The following SUMF1 variants were observed in gnomAD, a reference collection of about 807,000 sequenced individuals.
The protein encoded by SUMF1 is formylglycine-generating enzyme.
SUMF1 carries 48 observed loss-of-function variants against 47.6 expected under a neutral mutation model. That is an observed-to-expected ratio of 1.01 (90% confidence interval 0.80 to 1.28). The LOEUF is 1.28. Among genes scored for constraint, SUMF1 ranks in the 50% most tolerant of loss-of-function variants. SUMF1 has a pLI of 0.00. For missense variants in SUMF1, 571 were observed against 485.4 expected (o/e 1.18, Z -1.66); for synonymous variants, 230 against 192.1 (o/e 1.20, Z -1.63).
chr3:4,161,406 C>A (rs1195657004), intron 8 of SUMF1, among the ~76,000 whole-genome samples: 5 of 152,122 alleles, frequency 3.3e-5, no homozygotes, highest in Non-Finnish European at 4.4e-5. Context: ...TCTCCCAGGC[C>A]CTCGGTGGGT....
At chr3:4,325,990 T>A (rs377761311) in intron 8 of SUMF1, among the ~76,000 whole-genome samples, 3 of 152,198 alleles carry the variant, frequency 2.0e-5, no homozygotes, top group Admixed American at 6.5e-5. Flanking sequence ...CCTGGCTGAT[T>A]TCTGTATTTT....
intron 9 of SUMF1, among the ~76,000 whole-genome samples, chr3:4,063,090 A>T (rs1332550163): frequency 6.6e-6 from 1 of 152,154 alleles, no homozygotes; most frequent in East Asian, 1.9e-4. Context: ...ACATCTTTAC[A>T]TATGCCAATG....
Position 4,174,743 on chromosome 3 carries a change from C to T in SUMF1, c.1015-105998G>A, listed in dbSNP as rs189048782. ...AAGCAGGATGGGGCATCACCTCACC[C>T]AGGAAGCACAAGGGGTCAGGAGATT... is the stretch of plus-strand genomic sequence containing the variant. On this transcript the variant is annotated intron_variant and NMD_transcript_variant, in intron 8 of 12. Transcript: ENST00000448413. 2.6e-4 allele frequency among the ~76,000 whole-genome samples: 40 copies of T among 152,272 alleles called. No individual in the cohort carries two copies. In the East Asian group the frequency reaches 5.2e-3, roughly 20 times the overall value.
rs573075676 is a variant in SUMF1, at chr3:4,209,165, TA to T, written c.1015-140421del. On this transcript the variant is annotated intron_variant and NMD_transcript_variant, in intron 8 of 12. Transcript: ENST00000448413. ...TTAATGATTCAATTCAATAAAATTT[TA>T]TTGGGTACCTATTATATACGTGCTG... 2.1e-4 allele frequency among the ~76,000 whole-genome samples: 32 copies of T among 152,322 alleles called. 1 individual carries two copies. The South Asian group carries it at 6.6e-3, about 32-fold the overall frequency.
chr3:4,175,656 C>T (rs1040749706), intron 8 of SUMF1, among the ~76,000 whole-genome samples: 1 of 152,084 alleles, frequency 6.6e-6, no homozygotes, highest in Non-Finnish European at 1.5e-5. Flanking sequence ...AGCTCCTTGC[C>T]AGCAGTGGAA....
At chr3:4,070,112 T>A (rs967999642) in intron 8 of SUMF1, among the ~76,000 whole-genome samples, 1 of 152,168 alleles carries the variant, frequency 6.6e-6, no homozygotes, top group African/African-American at 2.4e-5. Context: ...CTCAACGAAT[T>A]ATGACCCAGA....
chr3:4,109,331 G>T (rs1473383348), intron 8 of SUMF1, among the ~76,000 whole-genome samples: 1 of 152,066 alleles, frequency 6.6e-6, no homozygotes, highest in Non-Finnish European at 1.5e-5. Flanking sequence ...TGGGTAACCC[G>T]ACCTTTCTCT....
Position 4,411,011 on chromosome 3 carries a change from C to T in SUMF1, c.841-33G>A, listed in dbSNP as rs1207969431. The T allele has an allele frequency of 1.9e-6, 3 of 1,548,610 alleles. No homozygotes were observed. In the African/African-American group the frequency reaches 4.1e-5, roughly 21 times the overall value. ...CAAAGACAGGAAAAATGCTGTCAAACTATTCACCTGGTTTAAAAAACATCT... is the reference window on the plus strand; with the variant it reads ...CAAAGACAGGAAAAATGCTGTCAAATTATTCACCTGGTTTAAAAAACATCT... On this transcript the variant is annotated intron_variant, in intron 6 of 8. Transcript: ENST00000272902.
intron 8 of SUMF1, among the ~76,000 whole-genome samples, chr3:4,076,898 G>A (rs1399285047): frequency 2.0e-5 from 3 of 152,158 alleles, no homozygotes; most frequent in Admixed American, 1.3e-4. Flanking sequence ...CAGCTACTCG[G>A]GAGGCTGAGG....
At chr3:4,243,266 G>A (rs78910581) in intron 8 of SUMF1, among the ~76,000 whole-genome samples, 1 of 152,104 alleles carries the variant, frequency 6.6e-6, no homozygotes, top group South Asian at 2.1e-4. Flanking sequence ...ACCTCCTTCA[G>A]TTTTGCTCTG....
rs1375608866 is a variant in SUMF1 at position 4,165,862 on chromosome 3, T to C, written c.1015-97117A>G. Among the ~76,000 whole-genome samples, 34 of 139,304 alleles carry C rather than the reference T, an allele frequency of 2.4e-4. No homozygotes were observed. The East Asian group carries it at 2.8e-3, about 11-fold the overall frequency. 91.4% of individuals were successfully genotyped at this position (139,304 alleles called of 152,430 possible). A position where few individuals can be genotyped will look rare whatever the true frequency, so the allele number is the denominator to read the frequency against. ...TGCCCGTGGTTTTGATTTGTTTGTT[T>C]CCCCCCCCCCCCCGAGCAAGAACCT... On this transcript the variant is annotated intron_variant and NMD_transcript_variant, in intron 8 of 12. Coordinates refer to the SUMF1 transcript ENST00000448413.
At chr3:4,085,530 C>T (rs1324347001) in intron 8 of SUMF1, among the ~76,000 whole-genome samples, 3 of 152,012 alleles carry the variant, frequency 2.0e-5, no homozygotes, top group African/African-American at 7.3e-5. Context: ...AAGAGATACC[C>T]ACATGTCTTG....
chr3:4,217,135 C>T (rs745776864), intron 8 of SUMF1, among the ~76,000 whole-genome samples: 27 of 152,174 alleles, frequency 1.8e-4, no homozygotes, highest in South Asian at 1.2e-3. Context: ...CGATGATAGA[C>T]TGGATTAAAA....
chr3:4,055,833 T>C (rs1192827635), intron 9 of SUMF1, among the ~76,000 whole-genome samples: 1 of 152,180 alleles, frequency 6.6e-6, no homozygotes, highest in Non-Finnish European at 1.5e-5. Context: ...CACTGGGCTA[T>C]AATCAAGGTG....
intron 8 of SUMF1, among the ~76,000 whole-genome samples, chr3:4,253,455 A>C (rs564015872): frequency 6.6e-6 from 1 of 152,270 alleles, no homozygotes; most frequent in East Asian, 1.9e-4. Flanking sequence ...CCTGGGAAGC[A>C]CAAGGGGTCA....
chr3:4,445,531 G>GTCTC (rs150097291), intron 3 of SUMF1, among the ~76,000 whole-genome samples: 2 of 150,096 alleles, frequency 1.3e-5, no homozygotes, highest in African/African-American at 2.4e-5. Flanking sequence ...TAGAGATGGG[G>GTCTC]TCTCTCTCTC....
chr3:4,208,122 T>C (rs1695693006), intron 8 of SUMF1, among the ~76,000 whole-genome samples: 1 of 152,226 alleles, frequency 6.6e-6, no homozygotes. Flanking sequence ...AACAATTTTA[T>C]TATAGCCTAA....
chr3:4,265,609 A>G (rs1480525166), intron 8 of SUMF1, among the ~76,000 whole-genome samples: 2 of 152,124 alleles, frequency 1.3e-5, no homozygotes, highest in Non-Finnish European at 1.5e-5. Flanking sequence ...GTTTGAGCTC[A>G]TTGTAGATTC....
At chr3:4,198,648 C>T (rs1431868026) in intron 8 of SUMF1, among the ~76,000 whole-genome samples, 1 of 152,070 alleles carries the variant, frequency 6.6e-6, no homozygotes, top group African/African-American at 2.4e-5. Flanking sequence ...AATATGCCTC[C>T]CTGTAGCTTT....
Sources: allele counts gnomAD v4.1 joint callset (sites outside exome capture counted in the v4.1 genomes callset), GRCh38; gene constraint gnomAD v4.1.1; transcripts MANE v1.5; gene names NCBI Gene and HGNC (gene_info 2026-07-23, HGNC 2026-07-21).